Variants in ERCC2 observed in about 807,000 individuals in gnomAD.
ERCC2 encodes the protein ERCC excision repair 2, TFIIH core complex helicase subunit, also known as general transcription and DNA repair factor IIH helicase subunit XPD.
ERCC2 carries 90 observed loss-of-function variants against 99.4 expected under a neutral mutation model. The ratio of observed to expected loss-of-function variants is 0.91; its 90% confidence interval spans 0.76 to 1.08. The LOEUF (loss-of-function observed/expected upper bound fraction) is 1.08. Ranked by LOEUF, ERCC2 falls within the 50% of genes least tolerant of loss-of-function variation. The probability of loss-of-function intolerance (pLI) is 0.00; values close to 1 mark genes in which losing one functional copy is unlikely to be tolerated. For synonymous variants in ERCC2, 497 were observed against 432.4 expected, an observed-to-expected ratio of 1.15 and a Z score of -1.85; for missense variants, 993 against 1,038.1, an observed-to-expected ratio of 0.96 and a Z score of 0.60.
At chr19:45,369,844 T>A (rs547701307) in intron 2 of ERCC2, among the ~76,000 whole-genome samples, 9 of 152,080 alleles carry the variant, frequency 5.9e-5, no homozygotes, top group Middle Eastern at 6.8e-3. Flanking sequence ...CCTGGCTAAT[T>A]TTTGTATTTT....
chr19:45,358,040 G>A (rs913161288), intron 12 of ERCC2: 1 of 437,660 alleles, frequency 2.3e-6, no homozygotes, highest in Non-Finnish European at 4.2e-6. Flanking sequence ...TTTCTCCCAT[G>A]ACCTTTTCTT....
At chr19:45,364,686 G>A in intron 7 of ERCC2, 139 bp from the exon 8 acceptor site, 2 of 1,385,188 alleles carry the variant, frequency 1.4e-6, no homozygotes, top group Non-Finnish European at 2.0e-6. Flanking sequence ...CAGATGGATA[G>A]AGACAGACCA....
At position 45,353,352 on chromosome 19, in the gene ERCC2, G is replaced by C; in HGVS notation, c.1666-18C>G. The stretch of plus-strand genomic sequence containing the variant: ...AGGATCCCCTGGGGAAGGACCCAGG[G>C]AGGTCAGGGTGGGTTCAGGGCACAG... On this transcript the variant is annotated intron_variant, in intron 17 of 22. Transcript: ENST00000391945. 6.2e-7 allele frequency: 1 copy of C among 1,603,632 alleles called. No homozygotes were observed. Among genetic ancestry groups the C allele is most frequent in the Non-Finnish European group, 8.5e-7 (1 of 1,172,256 alleles).
chr19:45,355,250 G>T (rs902780850), intron 16 of ERCC2, among the ~76,000 whole-genome samples: 1 of 152,324 alleles, frequency 6.6e-6, no homozygotes, highest in South Asian at 2.1e-4. Context: ...CCAGCTACTC[G>T]GGAGGCTGAG....
rs756931913 is a variant in ERCC2, at chr19:45,352,608, C to T, written c.1944G>A (p.Glu648=). The part of the protein sequence containing the change: ...EYLRDQFQIR[E]NDFLTFDAMR... ...TGGCATCGAAGGTAAGAAAGTCATT[C>T]TCACGAATCTGGAACTGGTCCCGCA... The change falls in exon 21 of 23, where the codon GAG becomes GAA. Residue 648 remains glutamate (E), a synonymous_variant. Coordinates refer to ENST00000391945, the MANE Select transcript of ERCC2 (RefSeq NM_000400.4). 4 of 1,614,030 alleles carry T rather than the reference C, an allele frequency of 2.5e-6. No individual in the cohort carries two copies. The highest frequency in any genetic ancestry group is 2.5e-6 in the Non-Finnish European group (3 of 1,180,034).
At position 45,351,084 on chromosome 19, in the gene ERCC2, C is replaced by A. The variant is rs1971741659; in HGVS notation, c.*545G>T. The A allele has an allele frequency of 1.9e-6, 3 of 1,612,678 alleles. No individual in the cohort carries two copies. The South Asian group carries it at 3.3e-5, about 18-fold the overall frequency. ...GGTAGGTGCAGAGATGAGGCAAAGG[C>A]AGGGCGGTCGGGCCAGTGGTGGAGT... On this transcript the variant is annotated 3_prime_UTR_variant, in exon 23 of 23. Transcript: ENST00000391945.
At position 45,357,369 on chromosome 19, in the gene ERCC2, T is replaced by C. The variant is rs1265060408; in HGVS notation, c.1380A>G (p.Thr460=). ...TGGGGTAGATGTCCAGCGGGGACAG[T>C]GTCTGTGGCGGGACAGTGGGAGGGA... ...RFQSVIITSG[T]LSPLDIYPKI... Residue 460 remains threonine (T), a splice_region_variant and synonymous_variant, in exon 15 of 23, where the codon ACA becomes ACG. Coordinates refer to ENST00000391945, the MANE Select transcript of ERCC2 (RefSeq NM_000400.4). The C allele has an allele frequency of 3.1e-6, 5 of 1,613,572 alleles. No homozygotes were observed. The highest frequency in any genetic ancestry group is 4.2e-6 in the Non-Finnish European group (5 of 1,179,536).
rs199738290 is a variant in ERCC2, at chr19:45,355,719, G to A, written c.1489C>T (p.Arg497Cys). 1.4e-5 allele frequency: 23 copies of A among 1,614,076 alleles called. No individual in the cohort carries two copies. Among genetic ancestry groups the A allele is most frequent in the Admixed American group, 8.3e-5 (5 of 60,018 alleles). The part of the protein sequence containing the change: ...RVCLCPMIIG[R>C]GNDQVAISSK... Reference sequence around the variant, plus strand: ...CTGATGGCCACCTGGTCATTGCCACGGCCGATGATCTGGAGAGCAACAGAG... The same window carrying A: ...CTGATGGCCACCTGGTCATTGCCACAGCCGATGATCTGGAGAGCAACAGAG... Residue 497 changes from arginine to cysteine, a missense_variant, in exon 16 of 23, where the codon CGT becomes TGT. This residue lies in a region of ERCC2 where 909 missense variants were observed against 930.8 expected (regional missense o/e 0.98). Coordinates refer to ENST00000391945, the MANE Select transcript of ERCC2 (RefSeq NM_000400.4).
intron 16 of ERCC2, among the ~76,000 whole-genome samples, chr19:45,355,250 G>C (rs902780850): frequency 6.6e-6 from 1 of 152,206 alleles, no homozygotes; most frequent in African/African-American, 2.4e-5. Context: ...CCAGCTACTC[G>C]GGAGGCTGAG....
Position 45,368,990 on chromosome 19 carries a change from T to A in ERCC2, c.186A>T (p.Ala62=), listed in dbSNP as rs759495134. The part of the protein sequence containing the change: ...LLALIMAYQR[A]YPLEVTKLIY... Reference sequence around the variant, plus strand: ...TGAGTTTGGTCACCTCCAGCGGATATGCCTGCCGATAACAAGCGGACTCAG... The same window carrying A: ...TGAGTTTGGTCACCTCCAGCGGATAAGCCTGCCGATAACAAGCGGACTCAG... Residue 62 remains alanine, a splice_region_variant and synonymous_variant, in exon 4 of 23, where the codon GCA becomes GCT. Coordinates refer to ENST00000391945, the MANE Select transcript of ERCC2 (RefSeq NM_000400.4). The A allele has an allele frequency of 6.2e-7, 1 of 1,614,234 alleles. No homozygotes were observed. Among genetic ancestry groups the A allele is most frequent in the Non-Finnish European group, 8.5e-7 (1 of 1,180,036 alleles).
chr19:45,355,925 G>C (rs530701892), intron 15 of ERCC2, among the ~76,000 whole-genome samples, 197 bp from the exon 16 acceptor site: 1 of 152,034 alleles, frequency 6.6e-6, no homozygotes, highest in South Asian at 2.1e-4. Flanking sequence ...AGAGTGCTGG[G>C]ATTACAAGCA....
intron 12 of ERCC2, chr19:45,358,451 C>G (rs1455903961): frequency 3.5e-6 from 1 of 283,924 alleles, no homozygotes; most frequent in Non-Finnish European, 6.8e-6. Flanking sequence ...GACCCATCAT[C>G]CCCTGCTCGC....
chr19:45,350,582 G>A lies in ERCC2; in HGVS notation c.*1047C>T. ...GATGGGCTGTGCTTCGGCTCCTGGGGTGGGCGTGGGGACTGCATGGGCCTG... is the reference window on the plus strand; with the variant it reads ...GATGGGCTGTGCTTCGGCTCCTGGGATGGGCGTGGGGACTGCATGGGCCTG... On this transcript the variant is annotated 3_prime_UTR_variant, in exon 23 of 23. Coordinates refer to ENST00000391945, the MANE Select transcript of ERCC2 (RefSeq NM_000400.4). 3 of 1,613,896 alleles carry A rather than the reference G, an allele frequency of 1.9e-6. No individual in the cohort carries two copies. The highest frequency in any genetic ancestry group is 2.5e-6 in the Non-Finnish European group (3 of 1,179,904).
In ERCC2 at chr19:45,350,324, C is replaced by A; in HGVS notation, c.*1305G>T. ...AACTGGGGTCCGAAAAGTTCCCAGACACTCCCTTCTCCGCAGGCCTCAGCC... is the reference window on the plus strand; with the variant it reads ...AACTGGGGTCCGAAAAGTTCCCAGAAACTCCCTTCTCCGCAGGCCTCAGCC... On this transcript the variant is annotated 3_prime_UTR_variant, in exon 23 of 23. Coordinates refer to ENST00000391945, the MANE Select transcript of ERCC2 (RefSeq NM_000400.4). 1 of 1,608,564 alleles carries A rather than the reference C, an allele frequency of 6.2e-7. No homozygotes were observed. The highest frequency in any genetic ancestry group is 8.5e-7 in the Non-Finnish European group (1 of 1,177,046).
At chr19:45,360,301 C>T (rs1052522288) in intron 12 of ERCC2, among the ~76,000 whole-genome samples, 4 of 150,914 alleles carry the variant, frequency 2.7e-5, no homozygotes, top group Non-Finnish European at 5.9e-5. Context: ...CCAGGATGGT[C>T]TTGATCTCCT....
intron 5 of ERCC2, among the ~76,000 whole-genome samples, chr19:45,366,743 C>CT (rs1462122445): frequency 2.0e-5 from 3 of 152,194 alleles, no homozygotes; most frequent in Non-Finnish European, 2.9e-5. Flanking sequence ...GGCCTGTGCT[C>CT]TTTGTCATCC....
At chr19:45,363,265 G>A (rs1345223445) in intron 11 of ERCC2, among the ~76,000 whole-genome samples, 1 of 152,066 alleles carries the variant, frequency 6.6e-6, no homozygotes, top group Non-Finnish European at 1.5e-5. Context: ...TAGAGGCATC[G>A]GTGGGAAGAT....
At chr19:45,361,716 C>T in intron 11 of ERCC2, 74 bp from the exon 12 acceptor site, 1 of 1,070,384 alleles carries the variant, frequency 9.3e-7, no homozygotes, top group Non-Finnish European at 1.4e-6. Context: ...CCTCCGCCAT[C>T]ACGACGGTCA....
intron 12 of ERCC2, chr19:45,358,536 G>C: frequency 2.6e-6 from 1 of 387,036 alleles, no homozygotes; most frequent in Non-Finnish European, 4.8e-6. Flanking sequence ...GCCCCAAGAA[G>C]CCTCCCATGG....
Sources: gnomAD v4.1 joint callset for allele counts (sites outside exome capture counted in the v4.1 genomes callset) on GRCh38, gnomAD v4.1.1 for gene constraint, gnomAD v4.1.1 regional missense constraint, MANE v1.5 for transcripts, NCBI Gene and HGNC (gene_info 2026-07-23, HGNC 2026-07-21) for gene names.